The following FBXL7 variants were observed in gnomAD, a reference collection of about 807,000 sequenced individuals.
FBXL7 encodes F-box and leucine rich repeat protein 7.
In FBXL7, 12 loss-of-function variants were observed where a neutral mutation model predicts 38.3. That is an observed-to-expected ratio of 0.31 (90% confidence interval 0.20 to 0.51). The LOEUF is 0.51. Among genes scored for constraint, FBXL7 ranks in the 20% least tolerant of loss-of-function variants. FBXL7 has a pLI of 0.98. For missense variants in FBXL7, 567 were observed against 676.4 expected, an observed-to-expected ratio of 0.84 and a Z score of 1.79; for synonymous variants, 297 against 300.9, an observed-to-expected ratio of 0.99 and a Z score of 0.13.
chr5:15,632,082 C>T (rs185079327), intron 2 of FBXL7, among the ~76,000 whole-genome samples: 2 of 152,236 alleles, frequency 1.3e-5, no homozygotes, highest in East Asian at 3.9e-4. Context: ...AAATATGTTT[C>T]TTTTTCCATT....
intron 2 of FBXL7, among the ~76,000 whole-genome samples, chr5:15,756,074 C>T (rs1012414358): frequency 1.3e-5 from 2 of 152,172 alleles, no homozygotes; most frequent in Admixed American, 1.3e-4. Context: ...TGCAGCTGTA[C>T]TAAGAATTTT....
intron 2 of FBXL7, among the ~76,000 whole-genome samples, chr5:15,622,563 G>A (rs1740690333): frequency 6.6e-6 from 1 of 152,126 alleles, no homozygotes; most frequent in Non-Finnish European, 1.5e-5. Flanking sequence ...GCGACAGTTT[G>A]CTGATAATGA....
intron 3 of FBXL7, among the ~76,000 whole-genome samples, chr5:15,931,642 G>A (rs753467373): frequency 5.9e-5 from 9 of 152,164 alleles, no homozygotes; most frequent in African/African-American, 9.7e-5. Flanking sequence ...CACAGAGCAC[G>A]TAACAGCCTT....
At chr5:15,886,233 G>T (rs1740672681) in intron 2 of FBXL7, among the ~76,000 whole-genome samples, 1 of 151,918 alleles carries the variant, frequency 6.6e-6, no homozygotes, top group Non-Finnish European at 1.5e-5. Flanking sequence ...GTGTGTGCAT[G>T]CAAATGTATA....
At chr5:15,598,421 C>A (rs1739688731) in intron 1 of FBXL7, among the ~76,000 whole-genome samples, 1 of 151,800 alleles carries the variant, frequency 6.6e-6, no homozygotes, top group South Asian at 2.1e-4. Context: ...GATTTTTTTT[C>A]CCTTGAATTT....
intron 2 of FBXL7, among the ~76,000 whole-genome samples, chr5:15,825,604 A>G (rs533177577): frequency 1.3e-5 from 2 of 152,326 alleles, no homozygotes; most frequent in African/African-American, 4.8e-5. Flanking sequence ...AATACTAATT[A>G]TTCTCACTTC....
chr5:15,704,650 G>A (rs936878719), intron 2 of FBXL7, among the ~76,000 whole-genome samples: 1 of 152,128 alleles, frequency 6.6e-6, no homozygotes, highest in Non-Finnish European at 1.5e-5. Context: ...TCTTTTGTTG[G>A]AGTTAAATAC....
chr5:15,579,489 A>G (rs745526949), intron 1 of FBXL7, among the ~76,000 whole-genome samples: 33 of 152,224 alleles, frequency 2.2e-4, no homozygotes, highest in Non-Finnish European at 4.1e-4. Context: ...TACGAAACAC[A>G]GATGCTTCCC....
chr5:15,843,530 C>G (rs529948648), intron 2 of FBXL7, among the ~76,000 whole-genome samples: 151 of 152,132 alleles, frequency 9.9e-4, no homozygotes, highest in African/African-American at 3.3e-3. Flanking sequence ...GCATGAAGCC[C>G]CATAGTCTAA....
At chr5:15,793,773 C>T (rs760622396) in intron 2 of FBXL7, among the ~76,000 whole-genome samples, 2 of 152,204 alleles carry the variant, frequency 1.3e-5, no homozygotes, top group Non-Finnish European at 2.9e-5. Flanking sequence ...TTCTAACAGA[C>T]ACTGGGTATA....
intron 2 of FBXL7, among the ~76,000 whole-genome samples, chr5:15,806,595 G>T (rs1019537607): frequency 5.3e-4 from 80 of 152,146 alleles, no homozygotes; most frequent in African/African-American, 1.9e-3. Context: ...TAGAGTGTGG[G>T]TTTTCTGATA....
chr5:15,597,247 G>C (rs778866221), intron 1 of FBXL7, among the ~76,000 whole-genome samples: 15 of 152,184 alleles, frequency 9.9e-5, no homozygotes, highest in Non-Finnish European at 1.9e-4. Context: ...CACACATTTT[G>C]GTGACCAGAA....
At chr5:15,545,121 T>G (rs1428114257) in intron 1 of FBXL7, among the ~76,000 whole-genome samples, 1 of 152,202 alleles carries the variant, frequency 6.6e-6, no homozygotes, top group Non-Finnish European at 1.5e-5. Flanking sequence ...AGACTTAAGC[T>G]TATTTCTTCT....
intron 2 of FBXL7, among the ~76,000 whole-genome samples, chr5:15,815,000 T>G (rs1169866811): frequency 1.3e-5 from 2 of 152,152 alleles, no homozygotes; most frequent in African/African-American, 2.4e-5. Context: ...TGATAAGCAA[T>G]TATTTCCAAC....
intron 2 of FBXL7, among the ~76,000 whole-genome samples, chr5:15,816,945 C>G (rs1037918603): frequency 1.1e-4 from 16 of 152,316 alleles, no homozygotes; most frequent in Middle Eastern, 3.4e-3. Flanking sequence ...TTTAAAACTA[C>G]AAACACACCT....
intron 2 of FBXL7, among the ~76,000 whole-genome samples, chr5:15,779,724 T>TA (rs1736945064): frequency 6.6e-6 from 1 of 152,222 alleles, no homozygotes. Context: ...TAAAGTCTTT[T>TA]AGATACAGTC....
chr5:15,903,974 G>C (rs1741294703), intron 2 of FBXL7, among the ~76,000 whole-genome samples: 1 of 152,034 alleles, frequency 6.6e-6, no homozygotes, highest in African/African-American at 2.4e-5. Context: ...AGAAATAATG[G>C]TTATTTCAGG....
At chr5:15,715,086 C>G (rs1031124089) in intron 2 of FBXL7, among the ~76,000 whole-genome samples, 3 of 152,072 alleles carry the variant, frequency 2.0e-5, no homozygotes, top group Admixed American at 6.6e-5. Flanking sequence ...CCAGAACTGT[C>G]AGAAAATAAA....
intron 1 of FBXL7, among the ~76,000 whole-genome samples, chr5:15,525,909 C>T (rs1005798927): frequency 6.6e-6 from 1 of 152,160 alleles, no homozygotes; most frequent in East Asian, 1.9e-4. Flanking sequence ...CTACATATGC[C>T]TCCTGCTGTT....
Sources: gnomAD v4.1 joint callset for allele counts (sites outside exome capture counted in the v4.1 genomes callset) on GRCh38, gnomAD v4.1.1 for gene constraint, MANE v1.5 for transcripts, NCBI Gene and HGNC (gene_info 2026-07-23, HGNC 2026-07-21) for gene names.